MYO1D: variants seen among roughly 807,000 people sequenced by gnomAD.
MYO1D encodes the protein unconventional myosin-Id.
Under a neutral mutation model 122.0 loss-of-function variants are expected in MYO1D, and 83 were observed. The ratio of observed to expected loss-of-function variants is 0.68; its 90% CI spans 0.57 to 0.82. MYO1D has a LOEUF of 0.82. Ranked by LOEUF, MYO1D falls within the 40% of genes least tolerant of loss-of-function variation. The pLI, the probability that MYO1D is intolerant of heterozygous loss-of-function variation, is 0.00. For missense variants in MYO1D, 1,157 were observed against 1,269.5 expected, an observed-to-expected ratio of 0.91 and a Z score of 1.35; for synonymous variants, 464 against 446.9, an observed-to-expected ratio of 1.04 and a Z score of -0.48.
intron 21 of MYO1D, among the ~76,000 whole-genome samples, chr17:32,580,422 T>C (rs1207493256): frequency 6.9e-6 from 1 of 145,684 alleles, no homozygotes; most frequent in East Asian, 2.0e-4. Context: ...TTTTTTTTTT[T>C]TTTTTGAGTC....
At chr17:32,752,560 A>G (rs1450397493) in intron 11 of MYO1D, among the ~76,000 whole-genome samples, 1 of 152,226 alleles carries the variant, frequency 6.6e-6, no homozygotes, top group African/African-American at 2.4e-5. Flanking sequence ...AGGAACTCAA[A>G]TAACTAAATA....
intron 19 of MYO1D, among the ~76,000 whole-genome samples, chr17:32,645,291 G>C (rs1260386973): frequency 5.3e-5 from 8 of 152,196 alleles, no homozygotes; most frequent in Admixed American, 2.6e-4. Flanking sequence ...AGCTGTTAGT[G>C]TGATGGGCTT....
intron 21 of MYO1D, among the ~76,000 whole-genome samples, chr17:32,565,099 G>T (rs2087160646): frequency 6.6e-6 from 1 of 152,200 alleles, no homozygotes. Flanking sequence ...TGCCTCCCAG[G>T]TTCAAGCGAT....
At chr17:32,724,600 G>A (rs929982410) in intron 14 of MYO1D, among the ~76,000 whole-genome samples, 1 of 152,124 alleles carries the variant, frequency 6.6e-6, no homozygotes, top group Non-Finnish European at 1.5e-5. Flanking sequence ...GAAGGTAGAT[G>A]GGATCTGAGT....
At chr17:32,651,136 T>G (rs1178059432) in intron 19 of MYO1D, among the ~76,000 whole-genome samples, 1 of 152,210 alleles carries the variant, frequency 6.6e-6, no homozygotes, top group Non-Finnish European at 1.5e-5. Context: ...AACCCCCTAC[T>G]GAGGCAATCT....
chr17:32,508,992 AATGAC>A (rs1909594347), intron 21 of MYO1D, among the ~76,000 whole-genome samples: 1 of 152,230 alleles, frequency 6.6e-6, no homozygotes, highest in Non-Finnish European at 1.5e-5. Flanking sequence ...ATTTTTATAA[AATGAC>A]ATGATTAAGA....
chr17:32,843,882 T>C (rs377172995), intron 1 of MYO1D, among the ~76,000 whole-genome samples: 42 of 152,294 alleles, frequency 2.8e-4, no homozygotes, highest in South Asian at 2.5e-3. Flanking sequence ...CTTTTCTATA[T>C]GGCCATCTAG....
At chr17:32,851,369 T>A (rs973672377) in intron 1 of MYO1D, among the ~76,000 whole-genome samples, 3 of 152,152 alleles carry the variant, frequency 2.0e-5, no homozygotes, top group Non-Finnish European at 2.9e-5. Flanking sequence ...TCCTCAAGCA[T>A]CTTGTTCCAT....
chr17:32,816,293 A>C (rs1176599071), intron 1 of MYO1D, among the ~76,000 whole-genome samples: 1 of 152,198 alleles, frequency 6.6e-6, no homozygotes, highest in Non-Finnish European at 1.5e-5. Context: ...TCACAGTGCT[A>C]ACACTGTATT....
intron 16 of MYO1D, among the ~76,000 whole-genome samples, chr17:32,684,675 T>C (rs577647233): frequency 1.3e-5 from 2 of 152,172 alleles, no homozygotes; most frequent in East Asian, 3.9e-4. Context: ...CTATGAAACA[T>C]TCAAGGAAGA....
At chr17:32,667,005 T>C (rs747404851) in intron 16 of MYO1D, among the ~76,000 whole-genome samples, 1 of 152,236 alleles carries the variant, frequency 6.6e-6, no homozygotes, top group African/African-American at 2.4e-5. Flanking sequence ...AGAGTCCACA[T>C]TGAGATAAGT....
Position 32,571,275 on chromosome 17 carries a change from T to C in MYO1D, c.2864+33812A>G, listed in dbSNP as rs190883641. Reference sequence around the variant, plus strand: ...AACGAACGGGTAAAGAAAACCTCATTGGTTGGTAAATGGTCAAAAACTGAC... The same window carrying C: ...AACGAACGGGTAAAGAAAACCTCATCGGTTGGTAAATGGTCAAAAACTGAC... On this transcript the variant is annotated intron_variant, in intron 21 of 21. Transcript: ENST00000318217. Among the ~76,000 whole-genome samples, 3 of 152,138 alleles carry C rather than the reference T, an allele frequency of 2.0e-5. No individual in the cohort carries two copies. The East Asian group carries it at 5.8e-4, about 29-fold the overall frequency.
At chr17:32,662,546 G>A (rs1169919879) in intron 16 of MYO1D, among the ~76,000 whole-genome samples, 2 of 152,116 alleles carry the variant, frequency 1.3e-5, no homozygotes, top group African/African-American at 4.8e-5. Flanking sequence ...GGTGGTGCGC[G>A]TCTGTAATTC....
At chr17:32,729,174 C>A (rs550698095) in intron 14 of MYO1D, among the ~76,000 whole-genome samples, 1 of 150,822 alleles carries the variant, frequency 6.6e-6, no homozygotes, top group Non-Finnish European at 1.5e-5. Flanking sequence ...ATATATTTTA[C>A]GGGAAAAAAA....
chr17:32,538,331 A>G (rs1910723428), intron 21 of MYO1D, among the ~76,000 whole-genome samples: 1 of 150,326 alleles, frequency 6.7e-6, no homozygotes, highest in South Asian at 2.1e-4. Context: ...CTCAGGCTGG[A>G]GTGCAGTGGC....
chr17:32,694,058 G>A (rs1242286685), intron 16 of MYO1D, among the ~76,000 whole-genome samples: 1 of 152,168 alleles, frequency 6.6e-6, no homozygotes, highest in Non-Finnish European at 1.5e-5. Context: ...CTTGTACATA[G>A]TAATGCTATT....
chr17:32,600,944 TTCTTTTC>T (rs1347454910), intron 21 of MYO1D, among the ~76,000 whole-genome samples: 1 of 151,612 alleles, frequency 6.6e-6, no homozygotes, highest in Non-Finnish European at 1.5e-5. Flanking sequence ...TTCTAGCTTT[TTCTTTTC>T]CCTTTTTTTT....
chr17:32,523,477 C>G (rs938976027), intron 21 of MYO1D: 1 of 152,094 alleles, frequency 6.6e-6, no homozygotes, highest in South Asian at 2.1e-4. Flanking sequence ...CGAAATGTCA[C>G]GAATAGCGAA....
intron 21 of MYO1D, among the ~76,000 whole-genome samples, chr17:32,570,563 A>G (rs1230107252): frequency 6.6e-6 from 1 of 152,140 alleles, no homozygotes; most frequent in Non-Finnish European, 1.5e-5. Context: ...TGTGTTAGCC[A>G]GGATGGTCTC....
Sources: gnomAD v4.1 joint callset for allele counts (sites outside exome capture counted in the v4.1 genomes callset) on GRCh38, gnomAD v4.1.1 for gene constraint, MANE v1.5 for transcripts, NCBI Gene and HGNC (gene_info 2026-07-23, HGNC 2026-07-21) for gene names.